Variants in GSK3B observed in about 807,000 individuals in gnomAD.
GSK3B encodes glycogen synthase kinase-3 beta.
A neutral mutation model predicts 56.4 loss-of-function variants in GSK3B; 15 were observed. The ratio of observed to expected loss-of-function variants is 0.27; its 90% CI spans 0.18 to 0.41. GSK3B has a LOEUF of 0.41. Among genes scored for constraint, GSK3B ranks in the 10% least tolerant of loss-of-function variants. The pLI is 1.00. For synonymous variants in GSK3B, 181 were observed against 188.9 expected (o/e 0.96, Z 0.34); for missense variants, 300 against 513.4 (o/e 0.58, Z 4.02).
At chr3:120,081,134 T>C (rs2058415678) in intron 1 of GSK3B, among the ~76,000 whole-genome samples, 1 of 152,168 alleles carries the variant, frequency 6.6e-6, no homozygotes, top group Non-Finnish European at 1.5e-5. Context: ...ACCCAAGTCC[T>C]TTCTTTCAGT....
intron 1 of GSK3B, among the ~76,000 whole-genome samples, chr3:120,048,372 A>T (rs2058120553): frequency 6.6e-6 from 1 of 152,242 alleles, no homozygotes; most frequent in Non-Finnish European, 1.5e-5. Flanking sequence ...AGAACTGTGC[A>T]TTCAAATTGT....
intron 2 of GSK3B, among the ~76,000 whole-genome samples, chr3:120,000,940 T>A (rs1470226448): frequency 1.4e-5 from 2 of 141,088 alleles, no homozygotes; most frequent in Non-Finnish European, 3.0e-5. Flanking sequence ...TTTTTTTTTT[T>A]TTGAGACAGA....
intron 7 of GSK3B, among the ~76,000 whole-genome samples, chr3:119,884,775 C>A (rs1331254157): frequency 6.6e-6 from 1 of 151,946 alleles, no homozygotes; most frequent in Non-Finnish European, 1.5e-5. Context: ...AGGTTATAAA[C>A]AAGTTTCAAA....
At chr3:120,061,091 C>T (rs1477283836) in intron 1 of GSK3B, among the ~76,000 whole-genome samples, 1 of 152,202 alleles carries the variant, frequency 6.6e-6, no homozygotes, top group Non-Finnish European at 1.5e-5. Flanking sequence ...TGTACAAGGA[C>T]ATTTCAATTC....
intron 3 of GSK3B, among the ~76,000 whole-genome samples, chr3:119,945,502 G>A (rs2107490056): frequency 6.6e-6 from 1 of 152,234 alleles, no homozygotes; most frequent in Admixed American, 6.5e-5. Flanking sequence ...ATACAGATAA[G>A]AGGCAGTCAG....
chr3:119,915,589 ACATAAAAGGTGG>A (rs1389001813), intron 5 of GSK3B, among the ~76,000 whole-genome samples: 1 of 152,114 alleles, frequency 6.6e-6, no homozygotes, highest in Non-Finnish European at 1.5e-5. Flanking sequence ...TGTTTTTAAA[ACATAAAAGGTGG>A]CATACAATAC....
intron 1 of GSK3B, among the ~76,000 whole-genome samples, chr3:120,077,750 G>C (rs2058379709): frequency 6.6e-6 from 1 of 151,928 alleles, no homozygotes; most frequent in Non-Finnish European, 1.5e-5. Context: ...TTAACATCAT[G>C]TTGTATATCT....
At chr3:120,084,000 A>C (rs548594232) in intron 1 of GSK3B, among the ~76,000 whole-genome samples, 1 of 152,288 alleles carries the variant, frequency 6.6e-6, no homozygotes, top group East Asian at 1.9e-4. Context: ...ATGGCTGCTA[A>C]TGGGTATAAG....
intron 1 of GSK3B, among the ~76,000 whole-genome samples, chr3:120,038,819 A>G (rs1024843361): frequency 3.0e-5 from 4 of 132,740 alleles, no homozygotes; most frequent in Non-Finnish European, 4.7e-5. Flanking sequence ...CACAGTCCAT[A>G]AAAAAAAAAA....
chr3:119,920,788 A>G (rs933413174), intron 4 of GSK3B, among the ~76,000 whole-genome samples: 7 of 152,250 alleles, frequency 4.6e-5, no homozygotes, highest in African/African-American at 1.7e-4. Context: ...ACAGTTAAGT[A>G]AAAACTCATC....
chr3:119,865,471 T>G (rs1238674016), intron 8 of GSK3B, among the ~76,000 whole-genome samples: 1 of 34,400 alleles, frequency 2.9e-5, no homozygotes, highest in African/African-American at 9.9e-5. Flanking sequence ...TATATATTTT[T>G]TTTTTTTTTT....
chr3:120,051,271 C>T (rs1050740626), intron 1 of GSK3B, among the ~76,000 whole-genome samples: 2 of 151,556 alleles, frequency 1.3e-5, no homozygotes, highest in African/African-American at 4.9e-5. Flanking sequence ...TGAAAATAGG[C>T]AACAGGACAG....
intron 1 of GSK3B, among the ~76,000 whole-genome samples, chr3:120,009,461 A>G (rs2057760185): frequency 6.6e-6 from 1 of 152,228 alleles, no homozygotes; most frequent in Admixed American, 6.5e-5. Flanking sequence ...AGACTGGATT[A>G]AGAAAATTTG....
At position 119,843,282 on chromosome 3, in the gene GSK3B, T is replaced by C. The variant is rs200933546; in HGVS notation, c.1168A>G (p.Thr390Ala). The change falls in exon 10 of 11, where the codon ACC becomes GCC. Residue 390 changes from threonine (T) to alanine (A), a missense_variant. By Grantham distance (58) the Thr-to-Ala change is moderately conservative (BLOSUM62 0). This residue lies in a region of GSK3B where 88 missense variants were observed against 92.7 expected (regional missense o/e 0.95). Transcript: ENST00000264235. ...PHARIQAAAS[T>A]PTNATAASDA... ...GACGCTGCTGTGGCATTTGTGGGGGTTGAAGCAGCTGCTTGAATCCGAGCA... is the reference window on the plus strand; with the variant it reads ...GACGCTGCTGTGGCATTTGTGGGGGCTGAAGCAGCTGCTTGAATCCGAGCA... 41 of 1,609,096 alleles carry C rather than the reference T, an allele frequency of 2.5e-5. No individual in the cohort carries two copies. The East Asian group carries it at 6.3e-4, about 25-fold the overall frequency.
intron 7 of GSK3B, among the ~76,000 whole-genome samples, chr3:119,897,945 G>T (rs1032027673): frequency 6.6e-6 from 1 of 152,048 alleles, no homozygotes; most frequent in Admixed American, 6.6e-5. Flanking sequence ...GCTAAATGAA[G>T]ATGGTGAAAA....
At chr3:119,839,639 T>C (rs1434761367) in intron 10 of GSK3B, among the ~76,000 whole-genome samples, 1 of 152,214 alleles carries the variant, frequency 6.6e-6, no homozygotes, top group Non-Finnish European at 1.5e-5. Context: ...ATTTGTATTT[T>C]AGTGATGTAA....
At position 119,866,592 on chromosome 3, in the gene GSK3B, G is replaced by A. The variant is rs768507443; in HGVS notation, c.910-2987C>T. On this transcript the variant is annotated intron_variant, in intron 8 of 10. Transcript: ENST00000264235. Reference sequence around the variant, plus strand: ...GGAAAAAAAAATTAAGTACATACCCGCACTCCTGAGGTGAAATGTCCTGTT... The same window carrying A: ...GGAAAAAAAAATTAAGTACATACCCACACTCCTGAGGTGAAATGTCCTGTT... The A allele has an allele frequency of 6.9e-6, 11 of 1,597,876 alleles. No individual in the cohort carries two copies. In the Admixed American group the frequency reaches 1.0e-4, roughly 15 times the overall value.
At position 120,002,233 on chromosome 3, in the gene GSK3B, T is replaced by C. The variant is rs2057684612; in HGVS notation, c.95A>G (p.Lys32Arg). The part of the protein sequence containing the change: ...AFGSMKVSRD[K>R]DGSKVTTVVA... ...CACTGTTGTCACCTTGCTGCCGTCC[T>C]TGTCTCCTAAAGGAAGAAAGGAAAT... Residue 32 changes from lysine to arginine, a missense_variant, in exon 2 of 11, where the codon AAG becomes AGG. By Grantham distance (26) the Lys-to-Arg change is conservative. Transcript: ENST00000264235. 2 of 1,546,236 alleles carry C rather than the reference T, an allele frequency of 1.3e-6. No homozygotes were observed. Among genetic ancestry groups the C allele is most frequent in the Non-Finnish European group, 1.7e-6 (2 of 1,151,460 alleles).
intron 9 of GSK3B, among the ~76,000 whole-genome samples, chr3:119,856,375 A>G (rs1211599793): frequency 6.6e-6 from 1 of 152,218 alleles, no homozygotes; most frequent in Non-Finnish European, 1.5e-5. Context: ...CAAACTACAC[A>G]CAGAACTTTC....
Sources: allele counts gnomAD v4.1 joint callset (sites outside exome capture counted in the v4.1 genomes callset), GRCh38; gene constraint gnomAD v4.1.1; regional missense constraint gnomAD v4.1.1; transcripts MANE v1.5; gene names NCBI Gene and HGNC (gene_info 2026-07-23, HGNC 2026-07-21).